Variants in PDE4DIP observed in about 807,000 individuals in gnomAD.
PDE4DIP encodes myomegalin.
PDE4DIP carries 59 observed loss-of-function variants against 221.4 expected under a neutral mutation model. The observed-to-expected ratio is 0.27, with a 90% CI of 0.22 to 0.33. PDE4DIP has a LOEUF of 0.33. Among genes scored for constraint, PDE4DIP ranks in the 10% least tolerant of loss-of-function variants. The probability of loss-of-function intolerance (pLI) is 1.00; values close to 1 mark genes in which losing one functional copy is unlikely to be tolerated. For missense variants in PDE4DIP, 1,036 were observed against 2,154.2 expected, an observed-to-expected ratio of 0.48 and a Z score of 10.28; for synonymous variants, 404 against 815.9, an observed-to-expected ratio of 0.50 and a Z score of 8.60.
At chr1:149,020,641 G>A (rs587697664) in intron 36 of PDE4DIP, 219 of 369,394 alleles carry the variant, frequency 5.9e-4, no homozygotes, top group African/African-American at 4.4e-3. Context: ...ATTAGATATA[G>A]GACATTAGTC....
Position 148,973,177 on chromosome 1 carries a change from C to CT in PDE4DIP, c.2227+597dup, listed in dbSNP as rs781813705. Among the ~76,000 whole-genome samples, 241 of 134,296 alleles carry CT rather than the reference C, an allele frequency of 1.8e-3. 1 individual carries two copies. The highest frequency in any genetic ancestry group is 5.1e-3 in the African/African-American group (188 of 36,596). The allele number at this position is 134,296 out of a possible 152,430, so 88.1% of individuals were successfully genotyped here. On this transcript the variant is annotated intron_variant, in intron 16 of 43. Transcript: ENST00000369354. ...CATGAATGCCTTTTGCTTCTAGGAC[C>CT]TTTTTTTTTTTTGAGACGGAGTCTC...
chr1:148,981,891 T>C (rs1335819753), intron 21 of PDE4DIP: 1 of 164,050 alleles, frequency 6.1e-6, no homozygotes, highest in Non-Finnish European at 1.4e-5. Flanking sequence ...ATCAAAAGCA[T>C]GCAAGTTTTA....
intron 3 of PDE4DIP, among the ~76,000 whole-genome samples, chr1:148,881,274 TG>T (rs1282529261): frequency 2.8e-5 from 1 of 35,160 alleles, no homozygotes; most frequent in Non-Finnish European, 5.9e-5. Flanking sequence ...AGGTCATTTG[TG>T]TTGTAGCATG....
exon 23 of PDE4DIP, chr1:148,998,238 G>A (rs781965755): frequency 6.3e-7 from 1 of 1,583,570 alleles, no homozygotes; most frequent in Non-Finnish European, 8.7e-7. Flanking sequence ...ACAGTAACAG[G>A]TGTCTTCAGG....
chr1:148,838,569 G>T (rs1286898259), intron 1 of PDE4DIP, among the ~76,000 whole-genome samples: 1 of 84,744 alleles, frequency 1.2e-5, no homozygotes, highest in Non-Finnish European at 2.6e-5. Context: ...GAATGCACCC[G>T]ATCTCTTCTG....
At chr1:148,938,794 A>T (rs1206249428) in intron 5 of PDE4DIP, among the ~76,000 whole-genome samples, 9 of 151,386 alleles carry the variant, frequency 5.9e-5, no homozygotes, top group East Asian at 1.9e-4. Context: ...TCCAAAAAAA[A>T]ATTTTTTTTT....
intron 4 of PDE4DIP, among the ~76,000 whole-genome samples, chr1:148,936,979 A>C (rs1167579775): frequency 6.6e-6 from 1 of 152,254 alleles, no homozygotes; most frequent in Non-Finnish European, 1.5e-5. Context: ...GTACACTCTA[A>C]AACGACAATG....
upstream of PDE4DIP, among the ~76,000 whole-genome samples, chr1:148,884,640 C>T (rs372227878): frequency 0.015 from 2,074 of 141,778 alleles, 1 homozygote; most frequent in African/African-American, 0.051. Flanking sequence ...TTAGTAGAGA[C>T]GGAGTTTCAC....
chr1:148,956,161 C>T (rs2055260181), intron 5 of PDE4DIP, among the ~76,000 whole-genome samples: 1 of 151,842 alleles, frequency 6.6e-6, no homozygotes, highest in African/African-American at 2.4e-5. Context: ...TGGTAGTTCT[C>T]TTTTTTAGTT....
intron 1 of PDE4DIP, among the ~76,000 whole-genome samples, chr1:148,823,304 CG>C (rs1161159748): frequency 1.7e-4 from 21 of 120,750 alleles, no homozygotes; most frequent in South Asian, 2.9e-4. Context: ...CTGTTTAAAA[CG>C]AAAGGAAGTG....
At chr1:148,937,542 T>C (rs2049482326) in intron 4 of PDE4DIP, among the ~76,000 whole-genome samples, 1 of 152,046 alleles carries the variant, frequency 6.6e-6, no homozygotes, top group Non-Finnish European at 1.5e-5. Flanking sequence ...GTGGTGAAAA[T>C]GTAAGCAAAA....
intron 4 of PDE4DIP, among the ~76,000 whole-genome samples, chr1:148,937,086 T>G (rs2049364150): frequency 6.6e-6 from 1 of 152,248 alleles, no homozygotes. Context: ...GCAGTAGGTT[T>G]GCTTTACACC....
At chr1:148,924,069 G>T (rs2046130447) in intron 1 of PDE4DIP, among the ~76,000 whole-genome samples, 1 of 152,000 alleles carries the variant, frequency 6.6e-6, no homozygotes, top group African/African-American at 2.4e-5. Flanking sequence ...TCTGTCCTTA[G>T]GGAGTTTGCA....
chr1:148,934,896 A>G lies in PDE4DIP; in HGVS notation c.518+2608A>G, dbSNP rs1164093472. ...TGGGATTACAGGGATTACAGGCATG[A>G]GCCACCATACCCAGCCCAATGTTTT... On this transcript the variant is annotated intron_variant, in intron 4 of 43. Coordinates refer to ENST00000369354, the Ensembl canonical transcript of PDE4DIP. 6.0e-4 allele frequency among the ~76,000 whole-genome samples: 91 copies of G among 152,054 alleles called. 1 individual carries two copies. Among genetic ancestry groups the G allele is most frequent in the Non-Finnish European group, 1.3e-4 (9 of 68,014 alleles).
intron 1 of PDE4DIP, among the ~76,000 whole-genome samples, chr1:148,822,418 T>C (rs1347760283): frequency 7.3e-6 from 1 of 137,236 alleles, no homozygotes; most frequent in Admixed American, 7.4e-5. Flanking sequence ...AGCAGCTGCA[T>C]TCAATTCTCA....
chr1:148,907,074 AC>A (rs1384179707), intron 1 of PDE4DIP, among the ~76,000 whole-genome samples: 2 of 151,004 alleles, frequency 1.3e-5, no homozygotes, highest in East Asian at 1.9e-4. Context: ...AAACAAAAAA[AC>A]AATAGTTACT....
chr1:148,886,012 G>A (rs1481412814), upstream of PDE4DIP, among the ~76,000 whole-genome samples: 2 of 34,784 alleles, frequency 5.7e-5, no homozygotes, highest in Admixed American at 8.2e-4. Context: ...TGAAAATATT[G>A]AGTTGTTACA....
chr1:148,929,508 T>C (rs587767095), intron 2 of PDE4DIP: 1 of 459,784 alleles, frequency 2.2e-6, no homozygotes, highest in South Asian at 2.8e-5. Context: ...GACTGCAAAC[T>C]TCCTATCAGT....
chr1:149,010,538 C>T lies in PDE4DIP; in HGVS notation c.5023C>T (p.Pro1675Ser), dbSNP rs142185657. 2.1e-4 allele frequency: 339 copies of T among 1,614,092 alleles called. 1 individual carries two copies. The highest frequency in any genetic ancestry group is 3.3e-4 in the Middle Eastern group (2 of 6,062). The change falls in exon 31 of 44, where the codon CCC becomes TCC. Residue 1675 changes from proline (P) to serine (S), a missense_variant. Pro to Ser is a moderately conservative substitution (Grantham distance 74). Transcript: ENST00000369354. ...GGCTAAGGCCGAATCCAACAGCAAC[C>T]CCATCAGCTTGCCAACTCCCCAGAA...
Sources: gnomAD v4.1 joint callset for allele counts (sites outside exome capture counted in the v4.1 genomes callset) on GRCh38, gnomAD v4.1.1 for gene constraint, MANE v1.5 for transcripts, NCBI Gene and HGNC (gene_info 2026-07-23, HGNC 2026-07-21) for gene names.